Variants in IMMP1L observed in about 807,000 individuals in gnomAD.
The protein encoded by IMMP1L is inner mitochondrial membrane peptidase subunit 1, also known as mitochondrial inner membrane protease subunit 1.
IMMP1L carries 24 observed loss-of-function variants against 21.8 expected under a neutral mutation model. The observed-to-expected ratio is 1.10, with a 90% CI of 0.80 to 1.55. The LOEUF (loss-of-function observed/expected upper bound fraction) is 1.55. Among genes scored for constraint, IMMP1L ranks in the 40% most tolerant of loss-of-function variants. IMMP1L has a pLI of 0.00. For missense variants in IMMP1L, 195 were observed against 200.7 expected (o/e 0.97, Z 0.17); for synonymous variants, 46 against 62.8 (o/e 0.73, Z 1.26).
chr11:31,495,450 C>T (rs1955400331), intron 1 of IMMP1L, among the ~76,000 whole-genome samples: 1 of 152,176 alleles, frequency 6.6e-6, no homozygotes, highest in Non-Finnish European at 1.5e-5. Flanking sequence ...ATGCTAGCCT[C>T]AGGCATGCAC....
chr11:31,462,485 C>T (rs1591982828), intron 2 of IMMP1L, among the ~76,000 whole-genome samples: 1 of 151,558 alleles, frequency 6.6e-6, no homozygotes, highest in South Asian at 2.1e-4. Flanking sequence ...TCAATTTATT[C>T]TTTCACTTAC....
chr11:31,450,053 TA>T (rs1225866835), intron 4 of IMMP1L, among the ~76,000 whole-genome samples: 7 of 152,218 alleles, frequency 4.6e-5, no homozygotes, highest in Admixed American at 3.9e-4. Context: ...TTGAAAGACT[TA>T]AAAAATGATT....
intron 1 of IMMP1L, among the ~76,000 whole-genome samples, chr11:31,506,703 T>C (rs1473489576): frequency 1.3e-5 from 2 of 149,456 alleles, no homozygotes; most frequent in Non-Finnish European, 3.0e-5. Context: ...GGCTCACACC[T>C]GTAATCTCAA....
At position 31,463,153 on chromosome 11, in the gene IMMP1L, C is replaced by A. The variant is rs79109002; in HGVS notation, c.105+19G>T. On this transcript the variant is annotated intron_variant, in intron 2 of 5. Transcript: ENST00000532287. ...AAAGTATATATTTAAGATGAATATT[C>A]TTGAACATAAAAACTTACCATGACA... 1 of 1,576,452 alleles carries A rather than the reference C, an allele frequency of 6.3e-7. No individual in the cohort carries two copies. The highest frequency in any genetic ancestry group is 8.6e-7 in the Non-Finnish European group (1 of 1,162,116).
At chr11:31,460,014 G>C (rs915792095) in intron 3 of IMMP1L, among the ~76,000 whole-genome samples, 1 of 151,894 alleles carries the variant, frequency 6.6e-6, no homozygotes, top group African/African-American at 2.4e-5. Flanking sequence ...AAAATTATCT[G>C]GGCGCGGCGA....
At chr11:31,435,109 G>A (rs1309889073) in intron 4 of IMMP1L, among the ~76,000 whole-genome samples, 3 of 152,094 alleles carry the variant, frequency 2.0e-5, no homozygotes, top group African/African-American at 7.2e-5. Context: ...TCTAAAAACA[G>A]GTAATATATA....
rs571321958 is a variant in IMMP1L, at chr11:31,437,262, A to C, written c.322-3692T>G. The C allele has an allele frequency of 1.3e-4, 45 of 355,874 alleles. 1 individual carries two copies. The highest frequency in any genetic ancestry group is 1.0e-3 in the Middle Eastern group (1 of 966). The allele number at this position is 355,874 out of a possible 1,614,324, so 22.0% of individuals were successfully genotyped here. On this transcript the variant is annotated intron_variant, in intron 4 of 5. Coordinates refer to ENST00000532287, the MANE Select transcript of IMMP1L (RefSeq NM_001304274.2). ...CCAAGTCTAAACATGAAATTCATTT[A>C]TGTTTCATATACACCTCATATATAT...
chr11:31,471,788 T>C (rs1230066050), intron 1 of IMMP1L, among the ~76,000 whole-genome samples: 1 of 152,188 alleles, frequency 6.6e-6, no homozygotes, highest in African/African-American at 2.4e-5. Context: ...TAGTATTCCA[T>C]TGGTGCCAAC....
chr11:31,453,872 A>T (rs1165897899), intron 4 of IMMP1L, among the ~76,000 whole-genome samples: 1 of 152,222 alleles, frequency 6.6e-6, no homozygotes, highest in Non-Finnish European at 1.5e-5. Context: ...AACAGAATAG[A>T]TAGGCAAAGG....
chr11:31,492,450 T>C (rs1426093251), intron 1 of IMMP1L, among the ~76,000 whole-genome samples: 4 of 152,218 alleles, frequency 2.6e-5, no homozygotes, highest in Non-Finnish European at 5.9e-5. Context: ...ATATGAGTAA[T>C]AAGGTCATTT....
intron 1 of IMMP1L, among the ~76,000 whole-genome samples, chr11:31,481,794 G>A (rs1954899013): frequency 6.6e-6 from 1 of 151,490 alleles, no homozygotes; most frequent in Admixed American, 6.6e-5. Context: ...TTGATTTGGT[G>A]ACAAAAGTTA....
At chr11:31,471,896 C>CAA (rs1954564903) in intron 1 of IMMP1L, among the ~76,000 whole-genome samples, 2 of 152,190 alleles carry the variant, frequency 1.3e-5, no homozygotes, top group African/African-American at 4.8e-5. Flanking sequence ...GCTAAAAAAT[C>CAA]AAGACTGTTT....
At chr11:31,460,036 T>C (rs1265083601) in intron 3 of IMMP1L, among the ~76,000 whole-genome samples, 1 of 151,942 alleles carries the variant, frequency 6.6e-6, no homozygotes, top group Admixed American at 6.6e-5. Context: ...TATACACCTG[T>C]AGTCACAGCT....
chr11:31,460,010 A>C (rs941009753), intron 3 of IMMP1L, among the ~76,000 whole-genome samples: 3 of 151,954 alleles, frequency 2.0e-5, no homozygotes, highest in Non-Finnish European at 1.5e-5. Flanking sequence ...TACAAAAATT[A>C]TCTGGGCGCG....
chr11:31,479,536 C>T (rs1336339223), intron 1 of IMMP1L, among the ~76,000 whole-genome samples: 5 of 151,946 alleles, frequency 3.3e-5, no homozygotes, highest in Non-Finnish European at 5.9e-5. Flanking sequence ...CTGTGTAATA[C>T]TTTAGAACTA....
intron 1 of IMMP1L, chr11:31,473,880 T>C (rs1954647168): frequency 3.8e-6 from 1 of 264,826 alleles, no homozygotes. Context: ...TGTATATATA[T>C]GTCAAATGTT....
chr11:31,460,018 G>A lies in IMMP1L; in HGVS notation c.194+608C>T, dbSNP rs12785300. ...CAAAAACTACAAAAATTATCTGGGC[G>A]CGGCGAGTATACACCTGTAGTCACA... On this transcript the variant is annotated intron_variant, in intron 3 of 5. Transcript: ENST00000532287. Among the ~76,000 whole-genome samples the A allele has an allele frequency of 1.2e-3, 179 of 152,042 alleles. 2 individuals are homozygous for A. The highest frequency in any genetic ancestry group is 3.4e-3 in the African/African-American group (143 of 41,480).
chr11:31,494,495 C>T (rs540832930), intron 1 of IMMP1L, among the ~76,000 whole-genome samples: 13 of 152,252 alleles, frequency 8.5e-5, no homozygotes, highest in Middle Eastern at 6.8e-3. Flanking sequence ...AAAGGGCTGC[C>T]GTGACATGTC....
At chr11:31,504,754 C>G (rs1384825370) in intron 1 of IMMP1L, among the ~76,000 whole-genome samples, 5 of 151,960 alleles carry the variant, frequency 3.3e-5, no homozygotes, top group African/African-American at 1.2e-4. Context: ...GATCATTTCA[C>G]AAAAATAATG....
Sources: allele counts gnomAD v4.1 joint callset (sites outside exome capture counted in the v4.1 genomes callset), GRCh38; gene constraint gnomAD v4.1.1; transcripts MANE v1.5; gene names NCBI Gene and HGNC (gene_info 2026-07-23, HGNC 2026-07-21).